Variants in AAK1 observed in about 807,000 individuals in gnomAD.
AAK1 encodes the protein AP2-associated protein kinase 1.
Under a neutral mutation model 116.0 loss-of-function variants are expected in AAK1, and 37 were observed. The observed-to-expected ratio is 0.32, with a 90% CI of 0.25 to 0.42. AAK1 has a LOEUF of 0.42. Ranked by LOEUF, AAK1 falls within the 10% of genes least tolerant of loss-of-function variation. The pLI is 1.00. For missense variants in AAK1, 919 were observed against 1,170.6 expected, an observed-to-expected ratio of 0.79 and a Z score of 3.14; for synonymous variants, 458 against 439.9, an observed-to-expected ratio of 1.04 and a Z score of -0.51.
In AAK1 at chr2:69,529,254, G is replaced by C. The variant is rs72837953; in HGVS notation, c.871+754C>G. On this transcript the variant is annotated intron_variant, in intron 8 of 21. Coordinates refer to ENST00000409085, the MANE Select transcript of AAK1 (RefSeq NM_014911.5). ...TCTATTTTTTCCAGTGTATCCCCATGCAGGACCCAAATGGGTTACTCAGGA... is the reference window on the plus strand; with the variant it reads ...TCTATTTTTTCCAGTGTATCCCCATCCAGGACCCAAATGGGTTACTCAGGA... Among the ~76,000 whole-genome samples, 25 of 152,262 alleles carry C rather than the reference G, an allele frequency of 1.6e-4. No homozygotes were observed. The East Asian group carries it at 4.1e-3, about 25-fold the overall frequency.
rs913519813 is a variant in AAK1, at chr2:69,603,188, T to A, written c.163+39690A>T. On this transcript the variant is annotated intron_variant, in intron 2 of 21. Transcript: ENST00000409085. ...TTTTCCTGATTTTTAAATGTTTATTTTTCCAGTGGGACTGTTTATAACTTT... is the reference window on the plus strand; with the variant it reads ...TTTTCCTGATTTTTAAATGTTTATTATTCCAGTGGGACTGTTTATAACTTT... 2.0e-5 allele frequency among the ~76,000 whole-genome samples: 3 copies of A among 152,244 alleles called. No homozygotes were observed. The East Asian group carries it at 5.8e-4, about 29-fold the overall frequency.
intron 2 of AAK1, among the ~76,000 whole-genome samples, chr2:69,638,882 T>C (rs1318976783): frequency 6.6e-6 from 1 of 152,182 alleles, no homozygotes; most frequent in Non-Finnish European, 1.5e-5. Context: ...GGTGTTGAGC[T>C]CTGTTAAGAG....
At chr2:69,491,396 T>C (rs1158101520) in intron 17 of AAK1, among the ~76,000 whole-genome samples, 1 of 152,228 alleles carries the variant, frequency 6.6e-6, no homozygotes, top group Non-Finnish European at 1.5e-5. Context: ...TTTGTAAGCA[T>C]ACAAATGTTC....
At position 69,464,413 on chromosome 2, in the gene AAK1, T is replaced by C. The variant is rs1574181277; in HGVS notation, c.*11456A>G. ...TAATCAGGTAAATATAATTTGTTAATAGCAAAACAAGAAATTCCGGAGAGA... is the reference window on the plus strand; with the variant it reads ...TAATCAGGTAAATATAATTTGTTAACAGCAAAACAAGAAATTCCGGAGAGA... On this transcript the variant is annotated 3_prime_UTR_variant, in exon 22 of 22. Coordinates refer to ENST00000409085, the MANE Select transcript of AAK1 (RefSeq NM_014911.5). 1 of 152,398 alleles carries C rather than the reference T, an allele frequency of 6.6e-6. No homozygotes were observed. 9.4% of individuals were successfully genotyped at this position (152,398 alleles called of 1,614,324 possible). A position where few individuals can be genotyped will look rare whatever the true frequency, so the allele number is the denominator to read the frequency against.
intron 2 of AAK1, among the ~76,000 whole-genome samples, chr2:69,574,500 A>G (rs1038980027): frequency 6.6e-6 from 1 of 151,038 alleles, no homozygotes; most frequent in Non-Finnish European, 1.5e-5. Flanking sequence ...GGAGCCAGGG[A>G]GTTCAAGGCT....
intron 3 of AAK1, among the ~76,000 whole-genome samples, chr2:69,549,412 T>C (rs565706312): frequency 6.6e-6 from 1 of 152,166 alleles, no homozygotes; most frequent in South Asian, 2.1e-4. Flanking sequence ...ACAGGTGAAA[T>C]AGCATTATTT....
chr2:69,478,587 G>A (rs978944995), intron 20 of AAK1: 4 of 231,294 alleles, frequency 1.7e-5, no homozygotes, highest in African/African-American at 7.1e-5. Context: ...CGAGAAGCTG[G>A]TACCACCGGT....
chr2:69,491,481 T>C (rs1675520788), intron 17 of AAK1, among the ~76,000 whole-genome samples: 1 of 152,190 alleles, frequency 6.6e-6, no homozygotes, highest in African/African-American at 2.4e-5. Flanking sequence ...AAAATATTCC[T>C]TAAAACAAAC....
intron 2 of AAK1, among the ~76,000 whole-genome samples, chr2:69,591,799 G>A (rs1673046968): frequency 6.6e-6 from 1 of 152,044 alleles, no homozygotes; most frequent in Admixed American, 6.5e-5. Context: ...TCAAACTCCT[G>A]ACCTCGTGAT....
At chr2:69,596,787 C>A (rs1462086889) in intron 2 of AAK1, among the ~76,000 whole-genome samples, 1 of 152,066 alleles carries the variant, frequency 6.6e-6, no homozygotes, top group African/African-American at 2.4e-5. Context: ...GAGCTGTGGG[C>A]GATGCAGAAG....
chr2:69,609,246 C>G (rs1164257576), intron 2 of AAK1, among the ~76,000 whole-genome samples: 1 of 151,882 alleles, frequency 6.6e-6, no homozygotes, highest in African/African-American at 2.4e-5. Flanking sequence ...GCCTGTAGTC[C>G]CAGCTATTCG....
At position 69,468,924 on chromosome 2, in the gene AAK1, G is replaced by T. The variant is rs1674584905; in HGVS notation, c.*6945C>A. 1.0e-6 allele frequency: 1 copy of T among 985,270 alleles called. No individual in the cohort carries two copies. The highest frequency in any genetic ancestry group is 6.2e-5 in the Admixed American group (1 of 16,256). The allele number at this position is 985,270 out of a possible 1,614,324, so 61.0% of individuals were successfully genotyped here. A position where few individuals can be genotyped will look rare whatever the true frequency, so the allele number is the denominator to read the frequency against. On this transcript the variant is annotated 3_prime_UTR_variant, in exon 22 of 22. Coordinates refer to ENST00000409085, the MANE Select transcript of AAK1 (RefSeq NM_014911.5). ...GAGCATATTCTATGACCTTCATGATGAGTACTGGGAAAATCAGACTTAAAA... is the reference window on the plus strand; with the variant it reads ...GAGCATATTCTATGACCTTCATGATTAGTACTGGGAAAATCAGACTTAAAA...
chr2:69,514,449 C>G, intron 13 of AAK1, 22 bp downstream of exon 13: 1 of 1,516,450 alleles, frequency 6.6e-7, no homozygotes, highest in Non-Finnish European at 8.9e-7. Context: ...CTTTTGTGCT[C>G]TGAGCTCTGG....
intron 2 of AAK1, among the ~76,000 whole-genome samples, chr2:69,574,913 C>T (rs1355443764): frequency 6.7e-6 from 1 of 149,988 alleles, no homozygotes; most frequent in Non-Finnish European, 1.5e-5. Context: ...AACTATGATA[C>T]ATACATAGTT....
intron 2 of AAK1, among the ~76,000 whole-genome samples, chr2:69,595,373 C>A (rs1673231644): frequency 1.3e-5 from 2 of 152,242 alleles, no homozygotes; most frequent in South Asian, 4.1e-4. Context: ...ACCTCGGCCT[C>A]CCAAAGTGTT....
intron 2 of AAK1, among the ~76,000 whole-genome samples, chr2:69,587,812 A>G (rs1558983269): frequency 2.0e-5 from 3 of 151,872 alleles, no homozygotes; most frequent in Non-Finnish European, 4.4e-5. Flanking sequence ...GAGTTTTACT[A>G]TGTTGCTCAG....
rs372153554 is a variant in AAK1 at position 69,642,958 on chromosome 2, G to A, written c.83C>T (p.Ser28Leu). The change falls in exon 2 of 22, where the codon TCG becomes TTG. Residue 28 changes from serine (S) to leucine (L), a missense_variant. Around this residue, in one of 4 missense-constraint regions of AAK1, gnomAD observed 317 missense variants for 490.4 expected, o/e 0.65. Transcript: ENST00000409085. ...SGSSGGGGST[S>L]GLGSGYIGRV... ...TCCGATGTAGCCACTGCCCAGGCCC[G>A]AGGTGCTGCCCCCTCCTCCGCTGGA... The A allele has an allele frequency of 5.0e-5, 81 of 1,613,534 alleles. No individual in the cohort carries two copies. In the East Asian group the frequency reaches 1.2e-3, roughly 24 times the overall value.
intron 10 of AAK1, among the ~76,000 whole-genome samples, chr2:69,521,243 C>T (rs886815545): frequency 8.5e-5 from 13 of 152,138 alleles, no homozygotes; most frequent in African/African-American, 2.7e-4. Flanking sequence ...TTTTCATGTG[C>T]GAATATGCAA....
At chr2:69,486,702 C>A (rs912806331) in intron 17 of AAK1, among the ~76,000 whole-genome samples, 5 of 152,098 alleles carry the variant, frequency 3.3e-5, no homozygotes, top group African/African-American at 1.2e-4. Flanking sequence ...ATTCATTATT[C>A]AAAAACCCCT....
Sources: gnomAD v4.1 joint callset for allele counts (sites outside exome capture counted in the v4.1 genomes callset) on GRCh38, gnomAD v4.1.1 for gene constraint, gnomAD v4.1.1 regional missense constraint, MANE v1.5 for transcripts, NCBI Gene and HGNC (gene_info 2026-07-23, HGNC 2026-07-21) for gene names.